Variants in ARHGAP24 observed in about 807,000 individuals in gnomAD.
ARHGAP24 encodes the protein rho GTPase-activating protein 24.
ARHGAP24 carries 50 observed loss-of-function variants against 76.4 expected under a neutral mutation model. The ratio of observed to expected loss-of-function variants is 0.65; its 90% CI spans 0.52 to 0.83. The LOEUF (loss-of-function observed/expected upper bound fraction) is 0.83. Ranked by LOEUF, ARHGAP24 falls within the 40% of genes least tolerant of loss-of-function variation. The probability of loss-of-function intolerance (pLI) is 0.00; values close to 1 mark genes in which losing one functional copy is unlikely to be tolerated. For missense variants in ARHGAP24, 930 were observed against 914.2 expected, an observed-to-expected ratio of 1.02 and a Z score of -0.22; for synonymous variants, 345 against 323.3, an observed-to-expected ratio of 1.07 and a Z score of -0.72.
At chr4:85,794,242 C>G (rs1728250870) in intron 3 of ARHGAP24, among the ~76,000 whole-genome samples, 1 of 152,114 alleles carries the variant, frequency 6.6e-6, no homozygotes, top group African/African-American at 2.4e-5. Flanking sequence ...CATTATAATG[C>G]AGTTTACATC....
chr4:85,487,891 AATAT>A (rs1043756489), intron 1 of ARHGAP24, among the ~76,000 whole-genome samples: 2 of 127,334 alleles, frequency 1.6e-5, no homozygotes, highest in African/African-American at 6.1e-5. Context: ...ATATATAATA[AATAT>A]ATTTTATATA....
At chr4:85,570,344 T>C (rs1727073034) in intron 1 of ARHGAP24, among the ~76,000 whole-genome samples, 178 bp from the exon 2 acceptor site, 1 of 151,176 alleles carries the variant, frequency 6.6e-6, no homozygotes, top group Admixed American at 6.6e-5. Flanking sequence ...TTTCTTTTTT[T>C]CTTTCTTCTT....
intron 2 of ARHGAP24, among the ~76,000 whole-genome samples, chr4:85,654,618 G>A (rs1175868177): frequency 6.6e-6 from 1 of 152,004 alleles, no homozygotes; most frequent in African/African-American, 2.4e-5. Context: ...AATATACATG[G>A]ATGCATGAAT....
At chr4:85,592,987 G>A (rs1259268412) in intron 2 of ARHGAP24, among the ~76,000 whole-genome samples, 7 of 152,060 alleles carry the variant, frequency 4.6e-5, no homozygotes, top group Admixed American at 2.0e-4. Flanking sequence ...TGGGATTAAC[G>A]GATCATATGG....
intron 1 of ARHGAP24, among the ~76,000 whole-genome samples, chr4:85,519,797 T>C (rs1038274665): frequency 7.5e-6 from 1 of 133,702 alleles, no homozygotes; most frequent in African/African-American, 3.0e-5. Context: ...TACTGAAATC[T>C]TCAATGGCTA....
chr4:85,519,117 C>G lies in ARHGAP24; in HGVS notation c.-21+43558C>G, dbSNP rs186859440. Among the ~76,000 whole-genome samples the G allele has an allele frequency of 9.9e-5, 15 of 152,236 alleles. No individual in the cohort carries two copies. The East Asian group carries it at 2.9e-3, about 29-fold the overall frequency. On this transcript the variant is annotated intron_variant, in intron 1 of 9. Coordinates refer to ENST00000395184, the MANE Select transcript of ARHGAP24 (RefSeq NM_001025616.3). ...AACCACAATGTGATACCACCTTACT[C>G]CTGCAAGAATAGCCATAATCAAACA...
intron 1 of ARHGAP24, among the ~76,000 whole-genome samples, chr4:85,515,892 C>T (rs1008596783): frequency 6.6e-5 from 10 of 152,078 alleles, no homozygotes; most frequent in African/African-American, 2.4e-4. Context: ...TTGTACTTCC[C>T]CATCAATACG....
intron 3 of ARHGAP24, among the ~76,000 whole-genome samples, chr4:85,828,285 C>T (rs1447831980): frequency 1.3e-5 from 2 of 152,088 alleles, no homozygotes; most frequent in African/African-American, 4.8e-5. Context: ...AATTCCAGTG[C>T]TAATTTGAAG....
intron 1 of ARHGAP24, among the ~76,000 whole-genome samples, chr4:85,506,737 C>T (rs1434915647): frequency 6.6e-6 from 1 of 152,230 alleles, no homozygotes; most frequent in African/African-American, 2.4e-5. Flanking sequence ...TCGACTCACC[C>T]TCTGTGGGCT....
At chr4:85,870,174 T>C (rs2110189814) in intron 3 of ARHGAP24, among the ~76,000 whole-genome samples, 3 of 152,282 alleles carry the variant, frequency 2.0e-5, no homozygotes, top group Admixed American at 2.0e-4. Context: ...AGGAGAACAA[T>C]AAAAGGGCTC....
chr4:85,564,287 CAAGGACAA>C (rs1417843197), intron 1 of ARHGAP24, among the ~76,000 whole-genome samples: 2 of 149,906 alleles, frequency 1.3e-5, no homozygotes, highest in African/African-American at 4.9e-5. Flanking sequence ...TTTATGGCTG[CAAGGACAA>C]AAAAAACAAG....
chr4:85,560,384 A>G (rs1578035783), intron 1 of ARHGAP24, among the ~76,000 whole-genome samples: 1 of 152,260 alleles, frequency 6.6e-6, no homozygotes, highest in East Asian at 1.9e-4. Context: ...CTTAGGAGAA[A>G]TTTCCTTTTT....
At chr4:85,725,335 A>G (rs1413197364) in intron 3 of ARHGAP24, among the ~76,000 whole-genome samples, 1 of 152,184 alleles carries the variant, frequency 6.6e-6, no homozygotes, top group Non-Finnish European at 1.5e-5. Flanking sequence ...TACCAGGCTT[A>G]TGGAAGAATC....
intron 3 of ARHGAP24, among the ~76,000 whole-genome samples, chr4:85,873,060 A>G (rs778443151): frequency 6.6e-6 from 1 of 152,188 alleles, no homozygotes; most frequent in African/African-American, 2.4e-5. Flanking sequence ...TGTTAGATAC[A>G]AAAAGGCTGC....
intron 1 of ARHGAP24, among the ~76,000 whole-genome samples, chr4:85,476,477 A>C (rs1228481977): frequency 6.6e-6 from 1 of 152,224 alleles, no homozygotes; most frequent in Admixed American, 6.5e-5. Context: ...CTAAAAAGGA[A>C]ATAAATAAAT....
chr4:85,767,068 C>T (rs1450735713), intron 3 of ARHGAP24, among the ~76,000 whole-genome samples: 2 of 152,112 alleles, frequency 1.3e-5, no homozygotes, highest in Admixed American at 1.3e-4. Context: ...ATAGATTATA[C>T]CACATAACCC....
intron 9 of ARHGAP24, among the ~76,000 whole-genome samples, chr4:85,997,399 GA>G: frequency 1.0e-5 from 1 of 98,994 alleles, no homozygotes; most frequent in Non-Finnish European, 2.3e-5. Context: ...TAGATAGATA[GA>G]TAGATAGATA....
intron 8 of ARHGAP24, among the ~76,000 whole-genome samples, chr4:85,993,632 C>G (rs1406063439): frequency 6.6e-6 from 1 of 152,086 alleles, no homozygotes; most frequent in African/African-American, 2.4e-5. Flanking sequence ...TTGTCAAAAG[C>G]CTTTTTGCAT....
At chr4:85,882,247 TTTA>T (rs1427564723) in intron 3 of ARHGAP24, among the ~76,000 whole-genome samples, 1 of 152,150 alleles carries the variant, frequency 6.6e-6, no homozygotes, top group Non-Finnish European at 1.5e-5. Context: ...AAACATTAAG[TTTA>T]TTGATTCTCA....
Sources: gnomAD v4.1 joint callset for allele counts (sites outside exome capture counted in the v4.1 genomes callset) on GRCh38, gnomAD v4.1.1 for gene constraint, MANE v1.5 for transcripts, NCBI Gene and HGNC (gene_info 2026-07-23, HGNC 2026-07-21) for gene names.